INPP5F: variants seen among roughly 807,000 people sequenced by gnomAD.
INPP5F encodes the protein phosphatidylinositide 4-phosphatase SAC2.
In INPP5F, 97 loss-of-function variants were observed where a neutral mutation model predicts 137.2. That is an observed-to-expected ratio of 0.71 (90% CI 0.60 to 0.84). INPP5F has a LOEUF of 0.84. Ranked by LOEUF, INPP5F falls within the 40% of genes least tolerant of loss-of-function variation. The pLI is 0.00. For synonymous variants in INPP5F, 504 were observed against 476.9 expected, an observed-to-expected ratio of 1.06 and a Z score of -0.74; for missense variants, 1,271 against 1,371.9, an observed-to-expected ratio of 0.93 and a Z score of 1.16.
chr10:119,742,303 C>T (rs181793126), intron 1 of INPP5F, among the ~76,000 whole-genome samples: 14 of 151,928 alleles, frequency 9.2e-5, no homozygotes, highest in Admixed American at 7.9e-4. Flanking sequence ...TACAGGCACT[C>T]GCCACCATGC....
intron 6 of INPP5F, among the ~76,000 whole-genome samples, chr10:119,796,106 G>A (rs181735165): frequency 0.015 from 2,202 of 150,774 alleles, 24 homozygotes; most frequent in Non-Finnish European, 0.024. Flanking sequence ...GAGAGGGAGA[G>A]GGAGAGCTGG....
intron 16 of INPP5F, 85 bp from the exon 17 acceptor site, chr10:119,822,346 C>T (rs904932055): frequency 2.2e-4 from 136 of 623,496 alleles, no homozygotes; most frequent in Non-Finnish European, 3.1e-4. Context: ...CTGTATGTAA[C>T]AGTTTGCAGC....
intron 2 of INPP5F, among the ~76,000 whole-genome samples, chr10:119,765,921 G>A (rs196196): frequency 0.35 from 52,264 of 149,304 alleles, 9,584 homozygotes; most frequent in South Asian, 0.47. Flanking sequence ...CATCTATACC[G>A]AAATTATTAC....
chr10:119,803,422 G>T (rs1850662205), intron 9 of INPP5F, among the ~76,000 whole-genome samples: 1 of 152,188 alleles, frequency 6.6e-6, no homozygotes, highest in Non-Finnish European at 1.5e-5. Flanking sequence ...GGTATCATGA[G>T]CATAGCTTAG....
chr10:119,808,090 C>A, intron 13 of INPP5F, 30 bp downstream of exon 13: 1 of 1,602,890 alleles, frequency 6.2e-7, no homozygotes, highest in South Asian at 1.1e-5. Flanking sequence ...ATCTGTGGGT[C>A]ATTATGTAGG....
At chr10:119,805,210 T>C (rs1156428767) in intron 10 of INPP5F, among the ~76,000 whole-genome samples, 174 bp from the exon 11 acceptor site, 1 of 152,246 alleles carries the variant, frequency 6.6e-6, no homozygotes, top group Non-Finnish European at 1.5e-5. Context: ...CAATGCAGAT[T>C]AGCTATAAAC....
At chr10:119,809,612 A>G (rs1850947419) in intron 13 of INPP5F, among the ~76,000 whole-genome samples, 1 of 152,194 alleles carries the variant, frequency 6.6e-6, no homozygotes, top group Non-Finnish European at 1.5e-5. Context: ...GGTGCTGGTG[A>G]TGTGCAGCAA....
At chr10:119,766,045 C>G (rs1468845911) in intron 2 of INPP5F, among the ~76,000 whole-genome samples, 3 of 151,884 alleles carry the variant, frequency 2.0e-5, no homozygotes, top group African/African-American at 7.3e-5. Flanking sequence ...AGTTCCAGTC[C>G]AAGCCCAAAA....
At chr10:119,774,731 G>C (rs1307443138) in intron 2 of INPP5F, among the ~76,000 whole-genome samples, 1 of 151,748 alleles carries the variant, frequency 6.6e-6, no homozygotes, top group Non-Finnish European at 1.5e-5. Context: ...ATGCTTTTTT[G>C]TATGTTTTTA....
chr10:119,783,042 G>A (rs904590275), intron 3 of INPP5F, among the ~76,000 whole-genome samples: 2 of 152,128 alleles, frequency 1.3e-5, no homozygotes, highest in African/African-American at 2.4e-5. Flanking sequence ...TACAGGAATC[G>A]AAAAAAGTTT....
chr10:119,823,788 T>C (rs781567662), intron 18 of INPP5F, 27 bp from the exon 19 acceptor site: 2 of 1,572,302 alleles, frequency 1.3e-6, no homozygotes, highest in Non-Finnish European at 1.7e-6. Flanking sequence ...ATGGAGAAAT[T>C]GGCAGGCAGT....
At chr10:119,794,434 C>T (rs954472360) in intron 6 of INPP5F, among the ~76,000 whole-genome samples, 6 of 151,890 alleles carry the variant, frequency 4.0e-5, no homozygotes, top group Middle Eastern at 3.4e-3. Context: ...TACACAGACA[C>T]GGCAACCATC....
At chr10:119,776,190 A>T (rs1384925728) in intron 2 of INPP5F, among the ~76,000 whole-genome samples, 1 of 152,204 alleles carries the variant, frequency 6.6e-6, no homozygotes, top group Non-Finnish European at 1.5e-5. Context: ...TGAAAAAGGA[A>T]GGCTACTATT....
At chr10:119,800,190 G>T (rs1489634694) in intron 9 of INPP5F, among the ~76,000 whole-genome samples, 1 of 152,024 alleles carries the variant, frequency 6.6e-6, no homozygotes, top group Non-Finnish European at 1.5e-5. Flanking sequence ...TGGAAAGGCA[G>T]TTCACAAAGT....
intron 9 of INPP5F, among the ~76,000 whole-genome samples, chr10:119,802,631 T>C (rs914518903): frequency 6.6e-6 from 1 of 152,214 alleles, no homozygotes; most frequent in Admixed American, 6.5e-5. Context: ...CCAGAAAATA[T>C]CTTTCTTTTT....
At chr10:119,756,163 CAAACA>C (rs991423721) in intron 2 of INPP5F, among the ~76,000 whole-genome samples, 1 of 150,722 alleles carries the variant, frequency 6.6e-6, no homozygotes, top group East Asian at 2.0e-4. Flanking sequence ...CTCAAGAAAA[CAAACA>C]AAACAAAACA....
chr10:119,822,354 AGCTATTATGCC>A, intron 16 of INPP5F, 66 bp from the exon 17 acceptor site: 5 of 665,046 alleles, frequency 7.5e-6, no homozygotes, highest in Non-Finnish European at 1.0e-5. Flanking sequence ...AACAGTTTGC[AGCTATTATGCC>A]TTCCCTGACA....
At chr10:119,795,348 C>G (rs1236576388) in intron 6 of INPP5F, among the ~76,000 whole-genome samples, 1 of 149,486 alleles carries the variant, frequency 6.7e-6, no homozygotes, top group Non-Finnish European at 1.5e-5. Context: ...GGAGGGGCTC[C>G]TCACTTCTCA....
intron 1 of INPP5F, among the ~76,000 whole-genome samples, chr10:119,737,983 G>A (rs1848263724): frequency 6.6e-6 from 1 of 152,160 alleles, no homozygotes; most frequent in Admixed American, 6.5e-5. Context: ...CTTGGGCTGA[G>A]GGAGTGCCTT....
Sources: allele counts gnomAD v4.1 joint callset (sites outside exome capture counted in the v4.1 genomes callset), GRCh38; gene constraint gnomAD v4.1.1; transcripts MANE v1.5; gene names NCBI Gene and HGNC (gene_info 2026-07-23, HGNC 2026-07-21).